The following KCNB2 variants were observed in gnomAD, a reference collection of about 807,000 sequenced individuals.
The protein encoded by KCNB2 is potassium voltage-gated channel subfamily B member 2.
Under a neutral mutation model 61.5 loss-of-function variants are expected in KCNB2, and 15 were observed. The observed-to-expected ratio is 0.24, with a 90% CI of 0.16 to 0.38. The LOEUF (loss-of-function observed/expected upper bound fraction) is 0.38. Among genes scored for constraint, KCNB2 ranks in the 10% least tolerant of loss-of-function variants. The probability of loss-of-function intolerance (pLI) is 1.00; values close to 1 mark genes in which losing one functional copy is unlikely to be tolerated. For synonymous variants in KCNB2, 457 were observed against 446.0 expected (o/e 1.02, Z -0.31); for missense variants, 828 against 1,125.2 (o/e 0.74, Z 3.78).
At chr8:72,730,645 C>G (rs1363159222) in intron 2 of KCNB2, among the ~76,000 whole-genome samples, 2 of 152,034 alleles carry the variant, frequency 1.3e-5, no homozygotes, top group African/African-American at 4.8e-5. Flanking sequence ...TTCTTAGATA[C>G]TTTTACTTTG....
At chr8:72,753,245 A>G (rs1255649836) in intron 2 of KCNB2, among the ~76,000 whole-genome samples, 1 of 152,130 alleles carries the variant, frequency 6.6e-6, no homozygotes. Flanking sequence ...CCTTTGACTT[A>G]AAGTCTTTAG....
At chr8:72,733,200 C>T (rs1168089174) in intron 2 of KCNB2, among the ~76,000 whole-genome samples, 1 of 152,116 alleles carries the variant, frequency 6.6e-6, no homozygotes, top group Non-Finnish European at 1.5e-5. Context: ...GCTATGTGTT[C>T]ACATAGTGTG....
At chr8:72,694,578 T>A (rs1806988264) in intron 2 of KCNB2, among the ~76,000 whole-genome samples, 2 of 152,120 alleles carry the variant, frequency 1.3e-5, no homozygotes, top group Non-Finnish European at 2.9e-5. Flanking sequence ...CAGACATTTT[T>A]AAAAAGTGTT....
chr8:72,555,390 A>G (rs1806407726), intron 1 of KCNB2, among the ~76,000 whole-genome samples: 1 of 151,756 alleles, frequency 6.6e-6, no homozygotes, highest in Admixed American at 6.6e-5. Flanking sequence ...GAATATCCCT[A>G]CTTTCTAGGA....
intron 1 of KCNB2, among the ~76,000 whole-genome samples, chr8:72,547,530 T>C (rs1806277060): frequency 6.6e-6 from 1 of 152,182 alleles, no homozygotes; most frequent in Non-Finnish European, 1.5e-5. Context: ...CAGAAGTTGA[T>C]TCTAACCTCC....
At chr8:72,600,157 G>A (rs1184792989) in intron 2 of KCNB2, among the ~76,000 whole-genome samples, 14 of 152,012 alleles carry the variant, frequency 9.2e-5, no homozygotes, top group Admixed American at 3.3e-4. Flanking sequence ...TGTTTATTGC[G>A]GCATTATTCA....
intron 2 of KCNB2, among the ~76,000 whole-genome samples, chr8:72,761,459 T>C (rs1352444235): frequency 1.3e-5 from 2 of 152,228 alleles, no homozygotes; most frequent in South Asian, 2.1e-4. Context: ...TTCTCTCTTG[T>C]ACACACTGTG....
intron 2 of KCNB2, among the ~76,000 whole-genome samples, chr8:72,874,037 T>A (rs901492538): frequency 3.9e-5 from 6 of 152,258 alleles, no homozygotes; most frequent in African/African-American, 1.4e-4. Flanking sequence ...TTTCCTTACT[T>A]CTGAAAGAAA....
At chr8:72,909,474 G>A (rs145058235) in intron 2 of KCNB2, among the ~76,000 whole-genome samples, 34 of 152,220 alleles carry the variant, frequency 2.2e-4, no homozygotes, top group Admixed American at 9.2e-4. Context: ...TGTAGAGTTC[G>A]GCAGGACAAG....
chr8:72,716,125 C>T (rs996939954), intron 2 of KCNB2, among the ~76,000 whole-genome samples: 2 of 152,184 alleles, frequency 1.3e-5, no homozygotes, highest in South Asian at 4.1e-4. Context: ...GAAACTGAAT[C>T]TCTGAATAGA....
intron 2 of KCNB2, among the ~76,000 whole-genome samples, chr8:72,596,691 C>G (rs1462957738): frequency 6.6e-6 from 1 of 152,094 alleles, no homozygotes; most frequent in Non-Finnish European, 1.5e-5. Context: ...TCTATATACT[C>G]TATAAAGGTA....
chr8:72,570,266 GA>G (rs1410155138), intron 2 of KCNB2, among the ~76,000 whole-genome samples: 2 of 152,094 alleles, frequency 1.3e-5, no homozygotes, highest in Non-Finnish European at 2.9e-5. Context: ...ATTGGTTTTG[GA>G]AAATTTTATG....
At chr8:72,563,189 A>G (rs888968453) in intron 1 of KCNB2, among the ~76,000 whole-genome samples, 1 of 152,218 alleles carries the variant, frequency 6.6e-6, no homozygotes, top group Non-Finnish European at 1.5e-5. Context: ...GTTTATTTCT[A>G]TCTAAAGTAA....
chr8:72,847,017 T>C (rs943563173), intron 2 of KCNB2, among the ~76,000 whole-genome samples: 1 of 152,158 alleles, frequency 6.6e-6, no homozygotes, highest in African/African-American at 2.4e-5. Flanking sequence ...CAAATGTCCA[T>C]CAATGATAGA....
intron 2 of KCNB2, among the ~76,000 whole-genome samples, chr8:72,707,374 C>T: frequency 6.6e-6 from 1 of 152,168 alleles, no homozygotes. Flanking sequence ...AAAGGAACCT[C>T]CTAATTGTCC....
At chr8:72,625,996 C>T (rs2128984570) in intron 2 of KCNB2, among the ~76,000 whole-genome samples, 1 of 152,074 alleles carries the variant, frequency 6.6e-6, no homozygotes, top group Middle Eastern at 3.4e-3. Context: ...CCAAAAGTCA[C>T]CAAAATAAGA....
chr8:72,710,803 T>A (rs968492020), intron 2 of KCNB2, among the ~76,000 whole-genome samples: 1 of 152,184 alleles, frequency 6.6e-6, no homozygotes, highest in Admixed American at 6.5e-5. Flanking sequence ...TAGAAAGAAA[T>A]TTAAATTTCA....
chr8:72,804,048 G>A (rs1169854711), intron 2 of KCNB2, among the ~76,000 whole-genome samples: 2 of 152,182 alleles, frequency 1.3e-5, no homozygotes, highest in East Asian at 1.9e-4. Flanking sequence ...GGTCTGGAAA[G>A]GAAGTTGGGT....
At chr8:72,607,883 A>G (rs1269745859) in intron 2 of KCNB2, among the ~76,000 whole-genome samples, 3 of 152,226 alleles carry the variant, frequency 2.0e-5, no homozygotes, top group East Asian at 3.8e-4. Flanking sequence ...ATGAAATAAA[A>G]GTGACTTATT....
Sources: gnomAD v4.1 joint callset for allele counts (sites outside exome capture counted in the v4.1 genomes callset) on GRCh38, gnomAD v4.1.1 for gene constraint, MANE v1.5 for transcripts, NCBI Gene and HGNC (gene_info 2026-07-23, HGNC 2026-07-21) for gene names.